The following SNX9 variants were observed in gnomAD, a reference collection of about 807,000 sequenced individuals.
SNX9 encodes the protein sorting nexin-9.
A neutral mutation model predicts 89.4 loss-of-function variants in SNX9; 44 were observed. That is an observed-to-expected ratio of 0.49 (90% confidence interval 0.39 to 0.63). The LOEUF is 0.63. Among genes scored for constraint, SNX9 ranks in the 30% least tolerant of loss-of-function variants. The pLI is 0.00. For missense variants in SNX9, 578 were observed against 736.1 expected (o/e 0.79, Z 2.49); for synonymous variants, 236 against 247.8 (o/e 0.95, Z 0.45).
chr6:157,942,836 T>C lies in SNX9; in HGVS notation c.1786T>C (p.Ter596GlnextTer49). 1 of 1,613,844 alleles carries C rather than the reference T, an allele frequency of 6.2e-7. No homozygotes were observed. The highest frequency in any genetic ancestry group is 8.5e-7 in the Non-Finnish European group (1 of 1,179,870). Residue 596 changes from the stop codon to glutamine (Q), a stop_lost, in exon 18 of 18, where the codon TAG (stop) becomes CAG (glutamine). Coordinates refer to ENST00000392185, the MANE Select transcript of SNX9 (RefSeq NM_016224.5). ...GGCCCTCAGCCGCTTTCCAGTGATG[T>C]AGGACAGAACGGGCCTTGAAGAGAA... ...RQALSRFPVM[*>Q]
Position 157,823,462 on chromosome 6 carries a change from C to G in SNX9, c.12+16C>G. ...GGCCACCAAGGTGAGGGGCGCGCGG[C>G]GCAGGCCGGGCCGGTCGCTCAGGCC... On this transcript the variant is annotated intron_variant, in intron 1 of 17. Coordinates refer to ENST00000392185, the MANE Select transcript of SNX9 (RefSeq NM_016224.5). This position sits in a 1 kb window ranked among gnomAD's most constrained non-coding sequence, Gnocchi z 4.6. The G allele has an allele frequency of 1.7e-6, 2 of 1,203,848 alleles. No individual in the cohort carries two copies. The highest frequency in any genetic ancestry group is 2.1e-6 in the Non-Finnish European group (2 of 972,592). The allele number at this position is 1,203,848 out of a possible 1,614,324, so 74.6% of individuals were successfully genotyped here. A position where few individuals can be genotyped will look rare whatever the true frequency, so the allele number is the denominator to read the frequency against.
chr6:157,852,143 T>C (rs1781926961), intron 1 of SNX9, among the ~76,000 whole-genome samples: 1 of 152,224 alleles, frequency 6.6e-6, no homozygotes, highest in Admixed American at 6.5e-5. Flanking sequence ...TGCTGGATCA[T>C]ATGGTAATTC....
chr6:157,936,647 G>A (rs902667514), intron 14 of SNX9, among the ~76,000 whole-genome samples: 10 of 152,224 alleles, frequency 6.6e-5, no homozygotes, highest in African/African-American at 2.4e-4. Flanking sequence ...TCTCTGAGCT[G>A]TGGTTTCCTT....
chr6:157,930,382 G>C (rs968880069), intron 12 of SNX9, among the ~76,000 whole-genome samples: 1 of 152,148 alleles, frequency 6.6e-6, no homozygotes, highest in South Asian at 2.1e-4. Context: ...AACAAAACCT[G>C]TGTCAAGACT....
rs576822188 is a variant in SNX9, at chr6:157,940,399, T to C, written c.1649-484T>C. Among the ~76,000 whole-genome samples the C allele has an allele frequency of 1.2e-4, 18 of 152,334 alleles. 1 individual carries two copies. The highest frequency in any genetic ancestry group is 4.1e-4 in the African/African-American group (17 of 41,566). ...AAGTCATTCATTTACTGGAAAGTAA[T>C]GTTTGTCATTAGCTTGTTTTGTTTT... On this transcript the variant is annotated intron_variant, in intron 16 of 17. Transcript: ENST00000392185.
At chr6:157,924,291 C>G (rs1340949961) in intron 10 of SNX9, 1 of 151,830 alleles carries the variant, frequency 6.6e-6, no homozygotes, top group African/African-American at 2.4e-5. Context: ...AGGAGAATAC[C>G]TATGAAACAA....
At chr6:157,847,292 G>A (rs1781824184) in intron 1 of SNX9, among the ~76,000 whole-genome samples, 1 of 151,996 alleles carries the variant, frequency 6.6e-6, no homozygotes, top group Non-Finnish European at 1.5e-5. Context: ...TGGTAGAGAT[G>A]GGGTTTTGCC....
At chr6:157,895,449 C>G (rs968184553) in intron 4 of SNX9, among the ~76,000 whole-genome samples, 15 of 152,118 alleles carry the variant, frequency 9.9e-5, no homozygotes, top group Admixed American at 6.5e-5. Context: ...CTGTTTTGGT[C>G]TGTCCGATCA....
chr6:157,868,066 G>A (rs970341717), intron 2 of SNX9, among the ~76,000 whole-genome samples: 19 of 152,292 alleles, frequency 1.2e-4, no homozygotes, highest in African/African-American at 4.3e-4. Flanking sequence ...TTTCCTAAAT[G>A]TCTTAACTGA....
chr6:157,886,788 T>A (rs982576338), intron 4 of SNX9, among the ~76,000 whole-genome samples: 8 of 152,204 alleles, frequency 5.3e-5, no homozygotes, highest in African/African-American at 1.9e-4. Flanking sequence ...TAGTGACCAA[T>A]GAAGAAAGCA....
chr6:157,875,279 C>A, intron 4 of SNX9, 103 bp downstream of exon 4: 1 of 1,416,206 alleles, frequency 7.1e-7, no homozygotes, highest in Non-Finnish European at 9.3e-7. Flanking sequence ...TCCCCAAAAG[C>A]AAAAACAAAG....
At chr6:157,940,669 C>T (rs905008113) in intron 16 of SNX9, among the ~76,000 whole-genome samples, 7 of 152,366 alleles carry the variant, frequency 4.6e-5, no homozygotes, top group African/African-American at 1.7e-4. Context: ...CCACCCACCT[C>T]ACCTCCCAGA....
At chr6:157,880,834 C>T (rs11752573) in intron 4 of SNX9, among the ~76,000 whole-genome samples, 1 of 152,194 alleles carries the variant, frequency 6.6e-6, no homozygotes, top group South Asian at 2.1e-4. Flanking sequence ...CTCACACATC[C>T]TATGTGAATC....
At chr6:157,879,491 C>T (rs1426483127) in intron 4 of SNX9, among the ~76,000 whole-genome samples, 1 of 152,152 alleles carries the variant, frequency 6.6e-6, no homozygotes, top group African/African-American at 2.4e-5. Flanking sequence ...CTGAATCAAA[C>T]TCTCTTCATT....
intron 5 of SNX9, among the ~76,000 whole-genome samples, chr6:157,898,912 C>T (rs1040812261): frequency 2.0e-5 from 3 of 152,134 alleles, no homozygotes; most frequent in Non-Finnish European, 4.4e-5. Flanking sequence ...TTGGGAGACT[C>T]CTGGGGTCTG....
In SNX9 at chr6:157,914,438, C is replaced by A. The variant is rs538561927; in HGVS notation, c.949+4413C>A. 3.4e-5 allele frequency among the ~76,000 whole-genome samples: 5 copies of A among 148,510 alleles called. No individual in the cohort carries two copies. In the South Asian group the frequency reaches 1.1e-3, roughly 32 times the overall value. On this transcript the variant is annotated intron_variant, in intron 9 of 17. Transcript: ENST00000392185. ...TAAGTGATTTGCAAATAACTTGTCG[C>A]AGCTGTGGCTTGGCTTGTCATTTTC...
intron 1 of SNX9, among the ~76,000 whole-genome samples, chr6:157,850,958 T>G (rs1018915401): frequency 1.3e-5 from 2 of 152,168 alleles, no homozygotes; most frequent in African/African-American, 2.4e-5. Context: ...CTATGGTCTT[T>G]TGAAAATAGT....
At chr6:157,867,728 A>G in intron 2 of SNX9, 95 bp downstream of exon 2, 2 of 959,916 alleles carry the variant, frequency 2.1e-6, no homozygotes, top group Admixed American at 2.8e-5. Context: ...TGATTGTCCC[A>G]TGTGGACTTA....
At chr6:157,937,741 A>G (rs538036834) in intron 15 of SNX9, among the ~76,000 whole-genome samples, 7 of 152,374 alleles carry the variant, frequency 4.6e-5, no homozygotes, top group Admixed American at 4.6e-4. Flanking sequence ...ACATCACCTC[A>G]GGCATGAGTT....
Sources: allele counts gnomAD v4.1 joint callset (sites outside exome capture counted in the v4.1 genomes callset), GRCh38; gene constraint gnomAD v4.1.1; non-coding constraint Gnocchi (gnomAD v3.1); transcripts MANE v1.5; gene names NCBI Gene and HGNC (gene_info 2026-07-23, HGNC 2026-07-21).